PRKDC: variants seen among roughly 807,000 people sequenced by gnomAD.
The protein encoded by PRKDC is DNA-dependent protein kinase catalytic subunit.
PRKDC carries 82 observed loss-of-function variants against 486.9 expected under a neutral mutation model. That is an observed-to-expected ratio of 0.17 (90% confidence interval 0.14 to 0.20). PRKDC has a LOEUF of 0.20. Ranked by LOEUF, PRKDC falls within the 10% of genes least tolerant of loss-of-function variation. The pLI, the probability that PRKDC is intolerant of heterozygous loss-of-function variation, is 1.00. For synonymous variants in PRKDC, 1,895 were observed against 1,837.0 expected (o/e 1.03, Z -0.81); for missense variants, 4,504 against 5,038.2 (o/e 0.89, Z 3.21).
intron 27 of PRKDC, among the ~76,000 whole-genome samples, chr8:47,901,109 A>G (rs2089673370): frequency 6.9e-6 from 1 of 144,374 alleles, no homozygotes. Flanking sequence ...TGATCCCCCC[A>G]CTGCACTCCA....
chr8:47,930,647 A>G, intron 17 of PRKDC, 25 bp downstream of exon 17: 2 of 1,526,244 alleles, frequency 1.3e-6, no homozygotes, highest in East Asian at 2.4e-5. Flanking sequence ...TTTCATTCTT[A>G]AATAATTAGA....
At chr8:47,889,288 G>T (rs1589768660) in intron 32 of PRKDC, 66 bp from the exon 33 acceptor site, 2 of 1,386,438 alleles carry the variant, frequency 1.4e-6, no homozygotes, top group Non-Finnish European at 1.9e-6. Flanking sequence ...AAAGTGCAGG[G>T]CCCACAAGGT....
intron 10 of PRKDC, among the ~76,000 whole-genome samples, chr8:47,942,128 TTC>T (rs8178012): frequency 6.6e-6 from 1 of 152,228 alleles, no homozygotes; most frequent in Non-Finnish European, 1.5e-5. Context: ...AGGCATGAAA[TTC>T]TCTCTGTCAA....
intron 36 of PRKDC, among the ~76,000 whole-genome samples, chr8:47,883,567 TCTC>T (rs1042822155): frequency 6.6e-6 from 1 of 152,280 alleles, no homozygotes; most frequent in South Asian, 2.1e-4. Flanking sequence ...GAATCCCTAG[TCTC>T]CTCCTCTTTT....
chr8:47,887,795 T>C, intron 34 of PRKDC, 90 bp from the exon 35 acceptor site: 2 of 1,348,672 alleles, frequency 1.5e-6, no homozygotes, highest in East Asian at 2.5e-5. Context: ...AAAAACCCAC[T>C]TCAGATAGCA....
intron 73 of PRKDC, among the ~76,000 whole-genome samples, chr8:47,795,346 C>T (rs1342173341): frequency 6.1e-5 from 9 of 147,490 alleles, no homozygotes; most frequent in Non-Finnish European, 7.5e-5. Flanking sequence ...CCTGCCACCA[C>T]GCCTGGCTAA....
At position 47,788,993 on chromosome 8, in the gene PRKDC, G is replaced by T. The variant is rs2086839187; in HGVS notation, c.10815C>A (p.Asn3605Lys). ...ACATTCTTTCATACATTTTTTCAATGTTTTTTTTATTTACAGGGGTTTTTG... is the reference window on the plus strand; with the variant it reads ...ACATTCTTTCATACATTTTTTCAATTTTTTTTTTATTTACAGGGGTTTTTG... Reference protein sequence around the residue: ...ELAKTPVNKKNIEKMYERMYA... With the variant: ...ELAKTPVNKKKIEKMYERMYA... The change falls in exon 76 of 86, where the codon AAC becomes AAA. Residue 3605 changes from asparagine to lysine, a missense_variant. By Grantham distance (94) the Asn-to-Lys change is moderately conservative (BLOSUM62 0). Transcript: ENST00000314191. 2.5e-6 allele frequency: 4 copies of T among 1,612,440 alleles called. No homozygotes were observed. Among genetic ancestry groups the T allele is most frequent in the South Asian group, 1.1e-5 (1 of 90,848 alleles).
In PRKDC at chr8:47,862,463, T is replaced by A. The variant is rs1313742047; in HGVS notation, c.5829A>T (p.Ala1943=). 6.2e-7 allele frequency: 1 copy of A among 1,613,892 alleles called. No homozygotes were observed. The highest frequency in any genetic ancestry group is 8.5e-7 in the Non-Finnish European group (1 of 1,179,886). The change falls in exon 43 of 86, where the codon GCA becomes GCT. Residue 1943 remains alanine (A), a synonymous_variant. Coordinates refer to ENST00000314191, the MANE Select transcript of PRKDC (RefSeq NM_006904.7). The stretch of plus-strand genomic sequence containing the variant: ...TGACAGATATGGCGCAGTTGTATGC[T>A]GCACAATGGTAAAGTCTTCTCCTCT... The part of the protein sequence containing the change: ...LLERRRLYHC[A]AYNCAISVIC...
At chr8:47,871,182 C>T (rs2088944659) in intron 40 of PRKDC, among the ~76,000 whole-genome samples, 1 of 152,010 alleles carries the variant, frequency 6.6e-6, no homozygotes, top group Non-Finnish European at 1.5e-5. Flanking sequence ...GGGATAATAA[C>T]AGAGAACTTT....
At chr8:47,943,818 TA>T (rs2090485406) in intron 9 of PRKDC, 34 bp downstream of exon 9, 1 of 1,496,902 alleles carries the variant, frequency 6.7e-7, no homozygotes, top group Non-Finnish European at 9.1e-7. Flanking sequence ...TTTAGTAATC[TA>T]AAATATTATA....
rs2086770475 is a variant in PRKDC at position 47,785,159 on chromosome 8, C to T, written c.11061G>A (p.Met3687Ile). Residue 3687 changes from methionine to isoleucine, a missense_variant, in exon 77 of 86, where the codon ATG becomes ATA. Physicochemically the swap from Met to Ile is conservative, Grantham distance 10 (BLOSUM62 1). Transcript: ENST00000314191. ...TCAGGAACTCCACTTTGAAGTCGCT[C>T]ATCCAGGGTGAACATTCTTTCAGAT... ...PGNLKECSPW[M>I]SDFKVEFLRN... 2 of 1,613,818 alleles carry T rather than the reference C, an allele frequency of 1.2e-6. No homozygotes were observed. The highest frequency in any genetic ancestry group is 1.7e-6 in the Non-Finnish European group (2 of 1,179,888).
intron 21 of PRKDC, 68 bp downstream of exon 21, chr8:47,927,126 C>A: frequency 6.8e-7 from 1 of 1,459,948 alleles, no homozygotes; most frequent in South Asian, 1.3e-5. Context: ...AAAATACAGT[C>A]CTACCTATTA....
At chr8:47,932,829 C>T (rs1563810325) in intron 16 of PRKDC, among the ~76,000 whole-genome samples, 191 bp downstream of exon 16, 2 of 151,824 alleles carry the variant, frequency 1.3e-5, no homozygotes, top group South Asian at 4.2e-4. Context: ...CTTTTTGAAC[C>T]ATCTAGTAAC....
intron 59 of PRKDC, among the ~76,000 whole-genome samples, chr8:47,832,681 A>T (rs2087914134): frequency 6.6e-6 from 1 of 152,240 alleles, no homozygotes; most frequent in South Asian, 2.1e-4. Context: ...CAGGTGAGAT[A>T]TCTAAGCACT....
chr8:47,862,300 G>GT (rs2088696079), intron 43 of PRKDC, 73 bp downstream of exon 43: 5 of 1,468,412 alleles, frequency 3.4e-6, no homozygotes, highest in Middle Eastern at 1.8e-4. Flanking sequence ...TAAATTATCT[G>GT]TAAGTTTGAC....
chr8:47,870,728 A>G (rs928362549), intron 40 of PRKDC, among the ~76,000 whole-genome samples: 3 of 152,244 alleles, frequency 2.0e-5, no homozygotes, highest in Non-Finnish European at 4.4e-5. Context: ...CACCAAATCA[A>G]CTAAATAATG....
At chr8:47,843,334 T>C (rs551607493) in intron 54 of PRKDC, among the ~76,000 whole-genome samples, 1 of 150,974 alleles carries the variant, frequency 6.6e-6, no homozygotes, top group South Asian at 2.1e-4. Context: ...ATCAACCCAG[T>C]CAGAAAAAAA....
At chr8:47,936,033 G>T in intron 12 of PRKDC, 133 bp from the exon 13 acceptor site, 1 of 913,628 alleles carries the variant, frequency 1.1e-6, no homozygotes, top group Non-Finnish European at 1.6e-6. Context: ...CATCTAACCT[G>T]CTGCTTAACA....
chr8:47,873,346 G>A (rs565150454), intron 40 of PRKDC, among the ~76,000 whole-genome samples: 1 of 152,010 alleles, frequency 6.6e-6, no homozygotes, highest in South Asian at 2.1e-4. Context: ...AGATAAGCCT[G>A]GCCAACATGG....
Sources: allele counts gnomAD v4.1 joint callset (sites outside exome capture counted in the v4.1 genomes callset), GRCh38; gene constraint gnomAD v4.1.1; transcripts MANE v1.5; gene names NCBI Gene and HGNC (gene_info 2026-07-23, HGNC 2026-07-21).